Variants in MED27 observed in about 807,000 individuals in gnomAD.
MED27 encodes mediator complex subunit 27, also known as mediator of RNA polymerase II transcription subunit 27.
Under a neutral mutation model 38.2 loss-of-function variants are expected in MED27, and 30 were observed. The ratio of observed to expected loss-of-function variants is 0.79; its 90% confidence interval spans 0.59 to 1.07. MED27 has a LOEUF of 1.07. MED27 is among the 50% of genes least tolerant of loss of function. MED27 has a pLI of 0.00. For synonymous variants in MED27, 122 were observed against 153.5 expected (o/e 0.79, Z 1.52); for missense variants, 289 against 397.5 (o/e 0.73, Z 2.32).
At chr9:131,873,146 G>C (rs1158071049) in intron 6 of MED27, among the ~76,000 whole-genome samples, 1 of 152,228 alleles carries the variant, frequency 6.6e-6, no homozygotes, top group Non-Finnish European at 1.5e-5. Context: ...TAAGGAGAGG[G>C]ACAGTAGGAA....
chr9:131,879,582 C>T (rs1267674593), intron 6 of MED27, among the ~76,000 whole-genome samples: 1 of 152,232 alleles, frequency 6.6e-6, no homozygotes, highest in Non-Finnish European at 1.5e-5. Context: ...GTCAGGACAT[C>T]TGGGTACTAT....
chr9:131,925,259 G>T (rs568603919), intron 4 of MED27, among the ~76,000 whole-genome samples: 2 of 152,202 alleles, frequency 1.3e-5, no homozygotes, highest in African/African-American at 4.8e-5. Flanking sequence ...ATTTTTTTGT[G>T]GGTACATAAG....
chr9:131,938,065 C>A (rs577509194), intron 4 of MED27, among the ~76,000 whole-genome samples: 27 of 152,206 alleles, frequency 1.8e-4, no homozygotes, highest in African/African-American at 5.8e-4. Context: ...AGGTGAATGT[C>A]ACTAATTTGT....
At chr9:131,938,412 G>A (rs1281714296) in intron 4 of MED27, among the ~76,000 whole-genome samples, 1 of 152,162 alleles carries the variant, frequency 6.6e-6, no homozygotes, top group Non-Finnish European at 1.5e-5. Context: ...TGTGTTCAGG[G>A]AAGTATTCTT....
At chr9:131,867,346 C>T (rs976188499) in intron 6 of MED27, among the ~76,000 whole-genome samples, 4 of 152,152 alleles carry the variant, frequency 2.6e-5, no homozygotes, top group Non-Finnish European at 4.4e-5. Flanking sequence ...AAGTTACCAG[C>T]GGTCACTCAT....
At chr9:132,019,123 A>T (rs1458831805) in intron 2 of MED27, among the ~76,000 whole-genome samples, 1 of 152,070 alleles carries the variant, frequency 6.6e-6, no homozygotes, top group Non-Finnish European at 1.5e-5. Flanking sequence ...ACTGGGAAAA[A>T]CGCCCAGAAA....
At chr9:131,940,759 C>T (rs1387172422) in intron 3 of MED27, among the ~76,000 whole-genome samples, 1 of 152,188 alleles carries the variant, frequency 6.6e-6, no homozygotes, top group Non-Finnish European at 1.5e-5. Context: ...GTATCTGTTA[C>T]AGTTTTATTC....
intron 2 of MED27, among the ~76,000 whole-genome samples, chr9:132,059,235 C>A (rs775629008): frequency 1.3e-5 from 2 of 152,186 alleles, no homozygotes; most frequent in African/African-American, 2.4e-5. Context: ...CTAACCCGAA[C>A]TTTGGAGAAA....
At chr9:132,032,189 A>G (rs1832978558) in intron 2 of MED27, 2 of 152,220 alleles carry the variant, frequency 1.3e-5, no homozygotes, top group African/African-American at 4.8e-5. Flanking sequence ...AAGATAAAGA[A>G]CGTAATGCCA....
intron 3 of MED27, among the ~76,000 whole-genome samples, chr9:131,950,489 C>T (rs980941594): frequency 5.9e-5 from 9 of 152,154 alleles, no homozygotes; most frequent in African/African-American, 1.9e-4. Context: ...CTCAGTTTGC[C>T]GCACACGTGT....
intron 2 of MED27, among the ~76,000 whole-genome samples, chr9:132,026,887 AT>A (rs1414430253): frequency 6.6e-6 from 1 of 150,488 alleles, no homozygotes; most frequent in Non-Finnish European, 1.5e-5. Context: ...GGTAGGTACT[AT>A]TATTATCATC....
intron 2 of MED27, among the ~76,000 whole-genome samples, chr9:132,055,920 C>G (rs1274947938): frequency 6.6e-6 from 1 of 152,206 alleles, no homozygotes; most frequent in African/African-American, 2.4e-5. Flanking sequence ...CAACAACCCA[C>G]AGAGGCAGCT....
intron 2 of MED27, among the ~76,000 whole-genome samples, chr9:132,031,695 GCAAGACCAA>G (rs1832966066): frequency 6.6e-6 from 1 of 152,014 alleles, no homozygotes; most frequent in Non-Finnish European, 1.5e-5. Context: ...GCAGAGTTGG[GCAAGACCAA>G]CACATCTGGT....
At chr9:132,042,399 C>T (rs1306220558) in intron 2 of MED27, among the ~76,000 whole-genome samples, 6 of 152,208 alleles carry the variant, frequency 3.9e-5, no homozygotes, top group East Asian at 1.9e-4. Flanking sequence ...ACAGGCTTCA[C>T]GAGGTAAAGT....
At chr9:131,994,592 G>GT (rs2131047014) in intron 3 of MED27, among the ~76,000 whole-genome samples, 1 of 152,324 alleles carries the variant, frequency 6.6e-6, no homozygotes, top group South Asian at 2.1e-4. Context: ...TGCCACCATG[G>GT]TATCAGATGT....
At chr9:131,921,746 T>A (rs1157275480) in intron 4 of MED27, among the ~76,000 whole-genome samples, 1 of 152,168 alleles carries the variant, frequency 6.6e-6, no homozygotes, top group Admixed American at 6.5e-5. Context: ...TGCGGCACTA[T>A]TCACAATAGC....
chr9:131,884,082 T>A lies in MED27; in HGVS notation c.699A>T (p.Lys233Asn). ...TEDGKLDIWS[K>N]SNYQVFQKVT... ...CCTTCTGGAATACTTGATAGTTGGA[T>A]TTGGACCATATATCAAGCTGAGGGG... Residue 233 changes from lysine to asparagine, a missense_variant, in exon 6 of 8, where the codon AAA becomes AAT. By Grantham distance (94) the Lys-to-Asn change is moderately conservative. Transcript: ENST00000292035. 1 of 1,611,670 alleles carries A rather than the reference T, an allele frequency of 6.2e-7. No individual in the cohort carries two copies. The highest frequency in any genetic ancestry group is 1.7e-5 in the Admixed American group (1 of 59,688).
In MED27 at chr9:131,861,407, G is replaced by A. The variant is rs945465595; in HGVS notation, c.802-735C>T. On this transcript the variant is annotated intron_variant, in intron 7 of 7. Coordinates refer to ENST00000292035, the MANE Select transcript of MED27 (RefSeq NM_004269.4). The surrounding 1 kb of genome is among the most constrained non-coding windows in gnomAD (Gnocchi z 4.4). ...GCAAGTTCTCGCGGTGAAAGGGCAC[G>A]TGAATCTTGTCATTTAATGTCCTCC... 2.3e-4 allele frequency among the ~76,000 whole-genome samples: 35 copies of A among 152,186 alleles called. No homozygotes were observed. Among genetic ancestry groups the A allele is most frequent in the African/African-American group, 5.3e-4 (22 of 41,440 alleles).
intron 6 of MED27, among the ~76,000 whole-genome samples, chr9:131,865,449 TGA>T (rs988847493): frequency 4.6e-5 from 7 of 152,206 alleles, no homozygotes; most frequent in African/African-American, 1.7e-4. Flanking sequence ...AGAAAACCTG[TGA>T]AAGTGTCATT....
Sources: allele counts gnomAD v4.1 joint callset (sites outside exome capture counted in the v4.1 genomes callset), GRCh38; gene constraint gnomAD v4.1.1; non-coding constraint Gnocchi (gnomAD v3.1); transcripts MANE v1.5; gene names NCBI Gene and HGNC (gene_info 2026-07-23, HGNC 2026-07-21).